MACROD2: variants seen among roughly 807,000 people sequenced by gnomAD.
MACROD2 encodes mono-ADP ribosylhydrolase 2.
A neutral mutation model predicts 70.4 loss-of-function variants in MACROD2; 36 were observed. That is an observed-to-expected ratio of 0.51 (90% CI 0.39 to 0.68). MACROD2 has a LOEUF of 0.68. MACROD2 is among the 30% of genes least tolerant of loss of function. MACROD2 has a pLI of 0.00. For missense variants in MACROD2, 496 were observed against 538.4 expected (o/e 0.92, Z 0.78); for synonymous variants, 172 against 178.8 (o/e 0.96, Z 0.30).
At chr20:14,510,404 A>G (rs2085016813) in intron 4 of MACROD2, among the ~76,000 whole-genome samples, 1 of 152,130 alleles carries the variant, frequency 6.6e-6, no homozygotes, top group African/African-American at 2.4e-5. Context: ...CTAAGTTACC[A>G]AAGTGAAAAG....
chr20:15,599,347 G>A (rs1350384254), intron 8 of MACROD2, among the ~76,000 whole-genome samples: 4 of 151,996 alleles, frequency 2.6e-5, no homozygotes, highest in African/African-American at 4.8e-5. Context: ...AGCCGAGATC[G>A]CGCCACTGCA....
chr20:14,587,369 C>G (rs1283509960), intron 4 of MACROD2, among the ~76,000 whole-genome samples: 1 of 151,602 alleles, frequency 6.6e-6, no homozygotes, highest in Non-Finnish European at 1.5e-5. Context: ...AGAGCTTCGT[C>G]TCATTTTCAC....
intron 5 of MACROD2, among the ~76,000 whole-genome samples, chr20:14,748,929 A>G (rs991868920): frequency 1.3e-5 from 2 of 152,064 alleles, no homozygotes; most frequent in African/African-American, 4.8e-5. Context: ...GACATTAACA[A>G]TAGGACACTG....
chr20:14,065,997 A>T (rs142920510), intron 2 of MACROD2, among the ~76,000 whole-genome samples: 1 of 152,332 alleles, frequency 6.6e-6, no homozygotes, highest in East Asian at 1.9e-4. Context: ...CTTTAGTTTC[A>T]TTATCCATAG....
intron 7 of MACROD2, among the ~76,000 whole-genome samples, chr20:15,458,619 GTTTTTTTGTTTTTTTT>G (rs927836234): frequency 7.5e-6 from 1 of 132,588 alleles, no homozygotes; most frequent in East Asian, 2.2e-4. Context: ...CTGTTTTTTT[GTTTTTTTGTTTTTTTT>G]TTTTAAAAAA....
At chr20:15,973,686 T>A (rs1250618590) in intron 13 of MACROD2, among the ~76,000 whole-genome samples, 1 of 152,192 alleles carries the variant, frequency 6.6e-6, no homozygotes, top group South Asian at 2.1e-4. Context: ...GCCACTCAGA[T>A]TGACTTAAAC....
chr20:14,339,853 G>T (rs563231329), intron 3 of MACROD2, among the ~76,000 whole-genome samples: 2 of 152,268 alleles, frequency 1.3e-5, no homozygotes, highest in South Asian at 4.1e-4. Context: ...TACTGACTTT[G>T]GGGGCAAACT....
At chr20:14,300,899 A>G (rs2082469199) in intron 3 of MACROD2, among the ~76,000 whole-genome samples, 1 of 152,220 alleles carries the variant, frequency 6.6e-6, no homozygotes, top group Admixed American at 6.5e-5. Flanking sequence ...AAATGTATCC[A>G]TTGTTAATAT....
chr20:14,534,965 A>C (rs2085347159), intron 4 of MACROD2, among the ~76,000 whole-genome samples: 1 of 152,254 alleles, frequency 6.6e-6, no homozygotes, highest in Admixed American at 6.5e-5. Context: ...GGGACAATAG[A>C]TGAAAGAGGC....
At chr20:14,347,989 C>T (rs570103150) in intron 3 of MACROD2, among the ~76,000 whole-genome samples, 8 of 152,088 alleles carry the variant, frequency 5.3e-5, no homozygotes, top group South Asian at 4.1e-4. Flanking sequence ...AAGCCAGGCA[C>T]GGTGGCTTAC....
intron 4 of MACROD2, among the ~76,000 whole-genome samples, chr20:14,648,638 C>A (rs112550294): frequency 0.065 from 9,703 of 150,126 alleles, 455 homozygotes; most frequent in African/African-American, 0.12. Context: ...ATATATATAT[C>A]TATCTATCTC....
intron 5 of MACROD2, among the ~76,000 whole-genome samples, chr20:14,872,176 C>T (rs2073496180): frequency 6.6e-6 from 1 of 152,108 alleles, no homozygotes; most frequent in African/African-American, 2.4e-5. Context: ...ACCTGATAGA[C>T]ATCTACAGAA....
intron 3 of MACROD2, among the ~76,000 whole-genome samples, chr20:14,097,317 G>C (rs567829305): frequency 6.6e-6 from 1 of 152,118 alleles, no homozygotes; most frequent in African/African-American, 2.4e-5. Flanking sequence ...AATTTTACTT[G>C]TACTGTGCCA....
intron 8 of MACROD2, among the ~76,000 whole-genome samples, chr20:15,670,427 T>C (rs1370125032): frequency 6.6e-6 from 1 of 152,078 alleles, no homozygotes; most frequent in Non-Finnish European, 1.5e-5. Context: ...AGACTCAGGG[T>C]CTCCAGAAAG....
intron 5 of MACROD2, among the ~76,000 whole-genome samples, chr20:15,048,628 A>G (rs1426063160): frequency 3.3e-5 from 5 of 152,160 alleles, no homozygotes; most frequent in Non-Finnish European, 7.4e-5. Flanking sequence ...CCAGTAATGA[A>G]CTATAGAAAC....
chr20:15,860,062 G>A (rs780429012), intron 8 of MACROD2, among the ~76,000 whole-genome samples: 2 of 152,140 alleles, frequency 1.3e-5, no homozygotes, highest in African/African-American at 4.8e-5. Context: ...TTGAACCTGG[G>A]AGGCGGAGGT....
chr20:14,744,513 A>G (rs2071774753), intron 5 of MACROD2, among the ~76,000 whole-genome samples: 1 of 152,146 alleles, frequency 6.6e-6, no homozygotes, highest in African/African-American at 2.4e-5. Flanking sequence ...TTACATCTAT[A>G]TTAAGTGAAT....
chr20:14,367,219 C>T (rs1234847058), intron 3 of MACROD2, among the ~76,000 whole-genome samples: 1 of 152,114 alleles, frequency 6.6e-6, no homozygotes, highest in Non-Finnish European at 1.5e-5. Flanking sequence ...TAGATAACAT[C>T]TTTATACATT....
At chr20:14,961,692 C>T (rs1055318256) in intron 5 of MACROD2, among the ~76,000 whole-genome samples, 1 of 152,080 alleles carries the variant, frequency 6.6e-6, no homozygotes, top group Non-Finnish European at 1.5e-5. Context: ...GCAAGGATTA[C>T]AGGTGTGAGT....
Sources: gnomAD v4.1 joint callset for allele counts (sites outside exome capture counted in the v4.1 genomes callset) on GRCh38, gnomAD v4.1.1 for gene constraint, MANE v1.5 for transcripts, NCBI Gene and HGNC (gene_info 2026-07-23, HGNC 2026-07-21) for gene names.